PHF21B: variants seen among roughly 807,000 people sequenced by gnomAD.
PHF21B encodes the protein PHD finger protein 4.
In PHF21B, 22 loss-of-function variants were observed where a neutral mutation model predicts 62.2. That is an observed-to-expected ratio of 0.35 (90% CI 0.25 to 0.51). The LOEUF is 0.51. PHF21B is among the 20% of genes least tolerant of loss of function. The pLI is 0.97. For synonymous variants in PHF21B, 341 were observed against 314.7 expected (o/e 1.08, Z -0.88); for missense variants, 701 against 707.9 (o/e 0.99, Z 0.11).
In PHF21B at chr22:44,993,903, A is replaced by G. The variant is rs76141036; in HGVS notation, c.120+14642T>C. ...CTGCCTGTGAAGAGCCACAAACTAG[A>G]GGAAATGATGCACCCCAGCTTTTCT... On this transcript the variant is annotated intron_variant, in intron 2 of 12. Transcript: ENST00000313237. 7.8e-3 allele frequency among the ~76,000 whole-genome samples: 1,183 copies of G among 152,350 alleles called. 9 individuals carry two copies. Among genetic ancestry groups the G allele is most frequent in the Non-Finnish European group, 0.012 (826 of 68,024 alleles).
chr22:44,888,153 A>G, intron 9 of PHF21B, 32 bp from the exon 10 acceptor site: 1 of 1,475,554 alleles, frequency 6.8e-7, no homozygotes, highest in Non-Finnish European at 9.1e-7. Flanking sequence ...GAGACAGGTC[A>G]GCCACAGCCA....
At chr22:44,986,402 A>AC (rs577039716) in intron 2 of PHF21B, among the ~76,000 whole-genome samples, 144 of 151,206 alleles carry the variant, frequency 9.5e-4, no homozygotes, top group Non-Finnish European at 1.1e-3. Flanking sequence ...CACCACCATC[A>AC]CCATCCTCAT....
At chr22:44,936,528 T>A (rs2071851030) in intron 2 of PHF21B, among the ~76,000 whole-genome samples, 1 of 152,168 alleles carries the variant, frequency 6.6e-6, no homozygotes, top group South Asian at 2.1e-4. Context: ...CCTCCTGCCA[T>A]CCGTTACTGG....
chr22:44,970,338 G>A (rs555219892), intron 2 of PHF21B, among the ~76,000 whole-genome samples: 57 of 152,340 alleles, frequency 3.7e-4, no homozygotes, highest in Admixed American at 2.3e-3. Flanking sequence ...GGAATTCCTA[G>A]TTCATTCTGC....
At chr22:44,913,795 T>C (rs778153298) in intron 5 of PHF21B, 27 bp downstream of exon 5, 2 of 1,602,224 alleles carry the variant, frequency 1.2e-6, no homozygotes, top group South Asian at 2.3e-5. Context: ...GAGCAGGGCC[T>C]GGGCCCTCCG....
At chr22:44,926,173 T>C (rs2071627139) in intron 2 of PHF21B, among the ~76,000 whole-genome samples, 1 of 107,014 alleles carries the variant, frequency 9.3e-6, no homozygotes, top group South Asian at 2.7e-4. Context: ...GGCATGACCC[T>C]GCAATGGATT....
rs145663788 is a variant in PHF21B at position 44,927,075 on chromosome 22, C to A, written c.121-6585G>T. The stretch of plus-strand genomic sequence containing the variant: ...TACTTTAGGAATTCACAGCCGGGGA[C>A]AGGGAAAGGAGGGGAGACCCAAAGG... On this transcript the variant is annotated intron_variant, in intron 2 of 12. Coordinates refer to ENST00000313237, the MANE Select transcript of PHF21B (RefSeq NM_138415.5). 4.9e-3 allele frequency among the ~76,000 whole-genome samples: 748 copies of A among 152,028 alleles called. 1 individual carries two copies. The highest frequency in any genetic ancestry group is 8.5e-3 in the Non-Finnish European group (578 of 67,970).
chr22:44,910,323 A>G (rs1002191543), intron 5 of PHF21B, among the ~76,000 whole-genome samples: 1 of 152,152 alleles, frequency 6.6e-6, no homozygotes, highest in Admixed American at 6.5e-5. Context: ...GCTTACACTT[A>G]TAATCCCAGC....
chr22:44,959,981 C>G (rs1353894167), intron 2 of PHF21B, among the ~76,000 whole-genome samples: 1 of 152,238 alleles, frequency 6.6e-6, no homozygotes, highest in Admixed American at 6.5e-5. Context: ...CAGGGCCAGT[C>G]TCCACCCCAG....
intron 5 of PHF21B, 42 bp downstream of exon 5, chr22:44,913,780 A>C (rs2071385201): frequency 6.3e-7 from 1 of 1,580,734 alleles, no homozygotes; most frequent in African/African-American, 1.4e-5. Context: ...TGGCACCTGC[A>C]GACTGAGCAG....
chr22:44,896,128 G>T lies in PHF21B; in HGVS notation c.832-45C>A, dbSNP rs2076089260. On this transcript the variant is annotated intron_variant, in intron 5 of 12. Coordinates refer to ENST00000313237, the MANE Select transcript of PHF21B (RefSeq NM_138415.5). ...AAGGAGCATTAACACAACCGTCAAA[G>T]TTCATTCATGCACTCAACAAACATC... 1.9e-6 allele frequency: 3 copies of T among 1,605,226 alleles called. No homozygotes were observed. In the African/African-American group the frequency reaches 4.0e-5, roughly 21 times the overall value.
intron 2 of PHF21B, among the ~76,000 whole-genome samples, chr22:44,954,833 T>C (rs1389159106): frequency 6.6e-6 from 1 of 152,146 alleles, no homozygotes; most frequent in Non-Finnish European, 1.5e-5. Flanking sequence ...GAAGACAGGC[T>C]CTGGGCAGGC....
intron 2 of PHF21B, among the ~76,000 whole-genome samples, chr22:44,974,624 C>A (rs1175302616): frequency 6.6e-6 from 1 of 152,176 alleles, no homozygotes; most frequent in African/African-American, 2.4e-5. Context: ...GGGCCCTCGT[C>A]ACCACCTGAC....
In PHF21B at chr22:44,984,362, C is replaced by T. The variant is rs915848428; in HGVS notation, c.120+24183G>A. ...TGACCTTCACATCTTTCCATCTGGTCAGGTGGCCAGGGAAAAGGTTAACCT... is the reference window on the plus strand; with the variant it reads ...TGACCTTCACATCTTTCCATCTGGTTAGGTGGCCAGGGAAAAGGTTAACCT... On this transcript the variant is annotated intron_variant, in intron 2 of 12. Coordinates refer to ENST00000313237, the MANE Select transcript of PHF21B (RefSeq NM_138415.5). 3.3e-5 allele frequency among the ~76,000 whole-genome samples: 5 copies of T among 151,686 alleles called. No individual in the cohort carries two copies. The East Asian group carries it at 7.9e-4, about 24-fold the overall frequency.
intron 2 of PHF21B, among the ~76,000 whole-genome samples, chr22:44,931,530 G>C (rs990095088): frequency 4.6e-5 from 7 of 151,732 alleles, no homozygotes; most frequent in Admixed American, 4.6e-4. Context: ...AGCGGCCCTC[G>C]GCGTTGCAGA....
chr22:44,926,996 G>GT (rs1459527110), intron 2 of PHF21B, among the ~76,000 whole-genome samples: 2 of 152,044 alleles, frequency 1.3e-5, no homozygotes, highest in Non-Finnish European at 2.9e-5. Context: ...CCTCATATCT[G>GT]GTCAAGGCTC....
chr22:45,009,491 C>A lies in PHF21B; in HGVS notation c.54+5G>T. On this transcript the variant is annotated splice_donor_5th_base_variant and intron_variant, in intron 1 of 12. Transcript: ENST00000313237. This position sits in a 1 kb window ranked among gnomAD's most constrained non-coding sequence, Gnocchi z 5.9. ...CGGCCCCGGGCCCGGCCCCCGGCCA[C>A]CTACCTGGTGGCGCGCGAGTTCCAC... 1 of 1,544,304 alleles carries A rather than the reference C, an allele frequency of 6.5e-7. No individual in the cohort carries two copies. The highest frequency in any genetic ancestry group is 8.7e-7 in the Non-Finnish European group (1 of 1,153,060).
intron 2 of PHF21B, among the ~76,000 whole-genome samples, chr22:44,987,022 C>A (rs1737888777): frequency 6.6e-6 from 1 of 152,186 alleles, no homozygotes; most frequent in South Asian, 2.1e-4. Context: ...TCGAGAGAGG[C>A]TAAGAAGACA....
At chr22:44,924,852 C>A (rs148398192) in intron 2 of PHF21B, among the ~76,000 whole-genome samples, 1 of 152,186 alleles carries the variant, frequency 6.6e-6, no homozygotes, top group African/African-American at 2.4e-5. Context: ...GAGACTTGTA[C>A]GTGAATGTTC....
Sources: gnomAD v4.1 joint callset for allele counts (sites outside exome capture counted in the v4.1 genomes callset) on GRCh38, gnomAD v4.1.1 for gene constraint, Gnocchi (gnomAD v3.1) non-coding constraint, MANE v1.5 for transcripts, NCBI Gene and HGNC (gene_info 2026-07-23, HGNC 2026-07-21) for gene names.